TFCP2: variants seen among roughly 807,000 people sequenced by gnomAD.
TFCP2 encodes the protein alpha-globin transcription factor CP2.
In TFCP2, 33 loss-of-function variants were observed where a neutral mutation model predicts 73.4. The observed-to-expected ratio is 0.45, with a 90% CI of 0.34 to 0.60. TFCP2 has a LOEUF of 0.60. Ranked by LOEUF, TFCP2 falls within the 20% of genes least tolerant of loss-of-function variation. The pLI is 0.01. For missense variants in TFCP2, 352 were observed against 604.0 expected (o/e 0.58, Z 4.37); for synonymous variants, 193 against 211.6 (o/e 0.91, Z 0.76).
rs1940389585 is a variant in TFCP2 at position 51,111,126 on chromosome 12, CGTT to C, written c.458-146_458-144del. The stretch of plus-strand genomic sequence containing the variant: ...AAATTTCTTTGTTTTTTTTTTTTGT[CGTT>C]GTTGTTGTTTTTTATGGAGTCTTGT... On this transcript the variant is annotated intron_variant, in intron 4 of 14. Coordinates refer to ENST00000257915, the MANE Select transcript of TFCP2 (RefSeq NM_005653.5). 4.5e-5 allele frequency: 27 copies of C among 606,506 alleles called. No homozygotes were observed. The East Asian group carries it at 5.9e-4, about 13-fold the overall frequency. 37.6% of individuals were successfully genotyped at this position (606,506 alleles called of 1,614,324 possible).
At chr12:51,147,605 A>G (rs1941326793) in intron 1 of TFCP2, among the ~76,000 whole-genome samples, 1 of 152,134 alleles carries the variant, frequency 6.6e-6, no homozygotes, top group Non-Finnish European at 1.5e-5. Context: ...GGAGAATGAA[A>G]CTGGATCCTC....
chr12:51,142,040 TA>T (rs1317150552), intron 1 of TFCP2, among the ~76,000 whole-genome samples: 4 of 150,856 alleles, frequency 2.7e-5, no homozygotes, highest in Non-Finnish European at 5.9e-5. Context: ...CCGTCTCTAC[TA>T]AAAATACAAA....
intron 4 of TFCP2, among the ~76,000 whole-genome samples, chr12:51,113,887 T>C (rs1940457527): frequency 6.6e-6 from 1 of 152,304 alleles, no homozygotes; most frequent in African/African-American, 2.4e-5. Context: ...TTTCTGTATA[T>C]GGTTTACCAT....
intron 1 of TFCP2, among the ~76,000 whole-genome samples, chr12:51,159,687 T>C (rs1367340489): frequency 6.6e-6 from 1 of 152,118 alleles, no homozygotes; most frequent in Non-Finnish European, 1.5e-5. Context: ...AGGGTATCAC[T>C]ATGTTGCCCA....
chr12:51,104,971 C>A (rs1315895921), intron 8 of TFCP2, among the ~76,000 whole-genome samples: 1 of 152,046 alleles, frequency 6.6e-6, no homozygotes, highest in African/African-American at 2.4e-5. Context: ...CTCCGCCTCC[C>A]AAAGTGCTGG....
intron 1 of TFCP2, among the ~76,000 whole-genome samples, chr12:51,134,672 AGAAC>A: frequency 2.0e-5 from 3 of 152,358 alleles, no homozygotes; most frequent in Middle Eastern, 6.8e-3. Context: ...TGTGCCCCTT[AGAAC>A]TTTGTACCAA....
intron 12 of TFCP2, among the ~76,000 whole-genome samples, 178 bp downstream of exon 12, chr12:51,099,477 C>CAAAGAAAAAAAAAAAAAAAAAAAAAAA (rs1940053726): frequency 7.2e-6 from 1 of 138,156 alleles, no homozygotes. Flanking sequence ...GACTCTGTCT[C>CAAAGAAAAAAAAAAAAAAAAAAAAAAA]AAAAAAAAAA....
At chr12:51,140,026 T>C (rs148320697) in intron 1 of TFCP2, among the ~76,000 whole-genome samples, 407 of 152,248 alleles carry the variant, frequency 2.7e-3, no homozygotes, top group Middle Eastern at 6.8e-3. Flanking sequence ...AGTAGGGAAA[T>C]AGTAAGCAAA....
intron 3 of TFCP2, 42 bp from the exon 4 acceptor site, chr12:51,116,462 G>T: frequency 9.0e-7 from 1 of 1,114,756 alleles, no homozygotes; most frequent in Non-Finnish European, 1.3e-6. Context: ...AAGACCTCTT[G>T]AAAATCAGTG....
chr12:51,158,172 C>A (rs1407450931), intron 1 of TFCP2, among the ~76,000 whole-genome samples: 1 of 151,992 alleles, frequency 6.6e-6, no homozygotes, highest in Non-Finnish European at 1.5e-5. Context: ...CCATGCCCAG[C>A]TAATTTTCCT....
At chr12:51,105,731 A>G (rs1940219866) in intron 8 of TFCP2, among the ~76,000 whole-genome samples, 1 of 152,180 alleles carries the variant, frequency 6.6e-6, no homozygotes, top group Non-Finnish European at 1.5e-5. Context: ...TTTATTCTTA[A>G]TTGTTACGTT....
chr12:51,134,682 AC>A, intron 1 of TFCP2, among the ~76,000 whole-genome samples: 3 of 152,352 alleles, frequency 2.0e-5, no homozygotes, highest in Middle Eastern at 6.8e-3. Flanking sequence ...AGAACTTTGT[AC>A]CAATTAAATC....
intron 3 of TFCP2, among the ~76,000 whole-genome samples, 196 bp downstream of exon 3, chr12:51,117,475 T>C (rs1940557812): frequency 6.6e-6 from 1 of 152,042 alleles, no homozygotes; most frequent in Non-Finnish European, 1.5e-5. Flanking sequence ...CTCTGAAAAA[T>C]TCATGTGAAT....
intron 9 of TFCP2, 114 bp from the exon 10 acceptor site, chr12:51,103,877 G>A (rs1940169141): frequency 2.3e-6 from 2 of 883,398 alleles, no homozygotes; most frequent in South Asian, 1.6e-5. Context: ...GTTTGTGAAA[G>A]TTGTTTTCTC....
At chr12:51,172,195 C>T (rs1941876134) in intron 1 of TFCP2, 106 bp downstream of exon 1, 1 of 1,465,796 alleles carries the variant, frequency 6.8e-7, no homozygotes, top group African/African-American at 1.4e-5. Context: ...CAATCGTAAA[C>T]AGCTTTTTAA....
rs538856460 is a variant in TFCP2, at chr12:51,103,148, TG to T, written c.1060+521del. The stretch of plus-strand genomic sequence containing the variant: ...AAATACATAAATTAGCTGGGTGTGA[TG>T]GTAGGTGCCTATAATCCCAGCTAAT... On this transcript the variant is annotated intron_variant, in intron 10 of 14. Coordinates refer to ENST00000257915, the MANE Select transcript of TFCP2 (RefSeq NM_005653.5). Among the ~76,000 whole-genome samples, 666 of 152,162 alleles carry T rather than the reference TG, an allele frequency of 4.4e-3. 3 individuals are homozygous for T. Among genetic ancestry groups the T allele is most frequent in the African/African-American group, 0.015 (635 of 41,522 alleles).
chr12:51,102,321 G>A (rs1175595392), intron 10 of TFCP2, among the ~76,000 whole-genome samples: 2 of 152,104 alleles, frequency 1.3e-5, no homozygotes, highest in East Asian at 3.8e-4. Flanking sequence ...CAACATGCCT[G>A]TAGTCCCAGC....
At chr12:51,109,678 G>A (rs1352501487) in intron 5 of TFCP2, among the ~76,000 whole-genome samples, 2 of 151,404 alleles carry the variant, frequency 1.3e-5, no homozygotes, top group Non-Finnish European at 2.9e-5. Flanking sequence ...GGAGAAAAAG[G>A]TTTGCTTGGC....
chr12:51,134,047 G>T (rs1941009833), intron 1 of TFCP2, among the ~76,000 whole-genome samples: 1 of 152,190 alleles, frequency 6.6e-6, no homozygotes, highest in South Asian at 2.1e-4. Context: ...GAGAAAAAAG[G>T]AGAAAATAAA....
Sources: allele counts gnomAD v4.1 joint callset (sites outside exome capture counted in the v4.1 genomes callset), GRCh38; gene constraint gnomAD v4.1.1; transcripts MANE v1.5; gene names NCBI Gene and HGNC (gene_info 2026-07-23, HGNC 2026-07-21).